The following NRG1 variants were observed in gnomAD, a reference collection of about 807,000 sequenced individuals.
NRG1 encodes the protein pro-neuregulin-1, membrane-bound isoform.
NRG1 carries 18 observed loss-of-function variants against 63.8 expected under a neutral mutation model. The observed-to-expected ratio is 0.28, with a 90% CI of 0.19 to 0.42. The LOEUF is 0.42. Ranked by LOEUF, NRG1 falls within the 10% of genes least tolerant of loss-of-function variation. The pLI is 1.00. For missense variants in NRG1, 762 were observed against 814.7 expected, an observed-to-expected ratio of 0.94 and a Z score of 0.79; for synonymous variants, 302 against 301.3, an observed-to-expected ratio of 1.00 and a Z score of -0.02.
intron 1 of NRG1, among the ~76,000 whole-genome samples, chr8:32,095,430 A>G (rs186041362): frequency 6.6e-5 from 10 of 152,084 alleles, no homozygotes; most frequent in Non-Finnish European, 1.5e-4. Flanking sequence ...TATTTTATCT[A>G]CATGATATTA....
chr8:32,312,850 G>T (rs1416710624), intron 1 of NRG1, among the ~76,000 whole-genome samples: 1 of 150,240 alleles, frequency 6.7e-6, no homozygotes, highest in Non-Finnish European at 1.5e-5. Context: ...TTTGGATTAT[G>T]TTGTTTCATT....
intron 1 of NRG1, among the ~76,000 whole-genome samples, chr8:31,996,849 G>T (rs556751399): frequency 1.3e-5 from 2 of 152,098 alleles, no homozygotes; most frequent in Non-Finnish European, 2.9e-5. Context: ...TTGGACAATT[G>T]TAAAAAGGAC....
chr8:31,640,460 C>T lies in NRG1; in HGVS notation c.37+1029C>T, dbSNP rs1563245488. 1.3e-6 allele frequency: 2 copies of T among 1,576,198 alleles called. No homozygotes were observed. The highest frequency in any genetic ancestry group is 1.7e-6 in the Non-Finnish European group (2 of 1,162,832). On this transcript the variant is annotated intron_variant, in intron 1 of 10. Transcript: ENST00000519301. This position sits in a 1 kb window ranked among gnomAD's most constrained non-coding sequence, Gnocchi z 6.3. ...GCCGGCGAGCCCGGGGAGGAGGCGC[C>T]CTATCTGGTGAAGGTGCACCAGGTG...
intron 1 of NRG1, among the ~76,000 whole-genome samples, chr8:32,576,635 A>G (rs1309378830): frequency 6.6e-6 from 1 of 152,150 alleles, no homozygotes; most frequent in Non-Finnish European, 1.5e-5. Flanking sequence ...TAACTTTTGG[A>G]GAGGGCTGCC....
chr8:31,771,233 A>G (rs1463224092), intron 1 of NRG1, among the ~76,000 whole-genome samples: 3 of 152,218 alleles, frequency 2.0e-5, no homozygotes, highest in Admixed American at 2.0e-4. Flanking sequence ...TTATATGAAT[A>G]GAATAATAAC....
chr8:32,184,621 A>G (rs527639797), intron 1 of NRG1, among the ~76,000 whole-genome samples: 2 of 152,172 alleles, frequency 1.3e-5, no homozygotes, highest in South Asian at 2.1e-4. Flanking sequence ...TAAGGAAAGC[A>G]TCTGGTGATT....
In NRG1 at chr8:31,857,485, C is replaced by T. The variant is rs370013965; in HGVS notation, c.37+218054C>T. ...CCTGCTTTGGCTCGCGCAGGGTATG[C>T]GCACCCACTGACCTGCGCCCACTGT... On this transcript the variant is annotated intron_variant, in intron 1 of 10. Transcript: ENST00000519301. Among the ~76,000 whole-genome samples the T allele has an allele frequency of 7.2e-5, 11 of 152,122 alleles. No individual in the cohort carries two copies. The South Asian group carries it at 1.2e-3, about 17-fold the overall frequency.
At chr8:32,754,624 A>G (rs1751912670) in intron 8 of NRG1, 150 bp downstream of exon 8, 7 of 691,352 alleles carry the variant, frequency 1.0e-5, no homozygotes. Flanking sequence ...TGAATAATCC[A>G]TTTTGAGGAT....
At chr8:32,371,955 A>AT (rs1262219524) in intron 1 of NRG1, among the ~76,000 whole-genome samples, 2 of 130,946 alleles carry the variant, frequency 1.5e-5, no homozygotes, top group African/African-American at 5.8e-5. Context: ...ATTTACCACA[A>AT]TTTTTTTCTT....
chr8:32,365,727 C>T (rs2129482349), intron 1 of NRG1, among the ~76,000 whole-genome samples: 1 of 152,262 alleles, frequency 6.6e-6, no homozygotes, highest in Non-Finnish European at 1.5e-5. Flanking sequence ...AACCAATGGG[C>T]ATAACTGTGA....
intron 1 of NRG1, among the ~76,000 whole-genome samples, chr8:31,722,145 C>G (rs1487568128): frequency 6.6e-6 from 1 of 152,064 alleles, no homozygotes; most frequent in Non-Finnish European, 1.5e-5. Flanking sequence ...GCTCTTAGGA[C>G]CTGGTGGTCT....
At chr8:32,197,041 C>T (rs779494904) in intron 1 of NRG1, among the ~76,000 whole-genome samples, 61 of 141,124 alleles carry the variant, frequency 4.3e-4, no homozygotes, top group Non-Finnish European at 6.8e-4. Flanking sequence ...CTCACTGCAA[C>T]CTTCGCCTCC....
intron 1 of NRG1, among the ~76,000 whole-genome samples, chr8:32,386,031 C>T (rs1428931744): frequency 1.3e-5 from 2 of 152,104 alleles, no homozygotes; most frequent in African/African-American, 4.8e-5. Context: ...TACCTAGTAC[C>T]CAGGGCATGA....
chr8:31,976,315 C>T (rs1425065084), intron 1 of NRG1, among the ~76,000 whole-genome samples: 9 of 152,108 alleles, frequency 5.9e-5, no homozygotes, highest in South Asian at 2.1e-4. Context: ...CTACCTTAAA[C>T]GCATTCTGGG....
chr8:31,911,737 T>C (rs1227764910), intron 1 of NRG1, among the ~76,000 whole-genome samples: 1 of 152,208 alleles, frequency 6.6e-6, no homozygotes, highest in African/African-American at 2.4e-5. Context: ...AAGAAACTTT[T>C]TCTGTATCTT....
intron 1 of NRG1, among the ~76,000 whole-genome samples, chr8:32,135,563 G>A (rs1835400425): frequency 6.6e-6 from 1 of 152,152 alleles, no homozygotes; most frequent in Non-Finnish European, 1.5e-5. Flanking sequence ...GAGCAACTAA[G>A]TAGAGGCTGG....
intron 1 of NRG1, among the ~76,000 whole-genome samples, chr8:32,327,120 A>G (rs1432211687): frequency 6.6e-6 from 1 of 152,192 alleles, no homozygotes; most frequent in Non-Finnish European, 1.5e-5. Context: ...TGCTCCTCAG[A>G]GCAGTGTGGG....
At chr8:32,305,078 A>G (rs1194365107) in intron 1 of NRG1, among the ~76,000 whole-genome samples, 1 of 152,180 alleles carries the variant, frequency 6.6e-6, no homozygotes, top group East Asian at 1.9e-4. Flanking sequence ...AGAATGAATT[A>G]GTTTTGTCAC....
intron 1 of NRG1, among the ~76,000 whole-genome samples, chr8:32,485,985 T>C (rs367612601): frequency 6.6e-6 from 1 of 152,172 alleles, no homozygotes; most frequent in South Asian, 2.1e-4. Context: ...TGGAGTGCAA[T>C]GGAGTGATCT....
Sources: allele counts gnomAD v4.1 joint callset (sites outside exome capture counted in the v4.1 genomes callset), GRCh38; gene constraint gnomAD v4.1.1; non-coding constraint Gnocchi (gnomAD v3.1); transcripts MANE v1.5; gene names NCBI Gene and HGNC (gene_info 2026-07-23, HGNC 2026-07-21).